Variants in GRIFIN observed in about 807,000 individuals in gnomAD.
The protein encoded by GRIFIN is galectin-related inter-fiber protein, also known as putative grifin.
A neutral mutation model predicts 18.2 loss-of-function variants in GRIFIN; 22 were observed. That is an observed-to-expected ratio of 1.21 (90% CI 0.86 to 1.73). GRIFIN has a LOEUF of 1.73. Among genes scored for constraint, GRIFIN ranks in the 40% most tolerant of loss-of-function variants. The pLI, the probability that GRIFIN is intolerant of heterozygous loss-of-function variation, is 0.00. For synonymous variants in GRIFIN, 101 were observed against 82.8 expected (o/e 1.22, Z -1.19); for missense variants, 200 against 190.1 (o/e 1.05, Z -0.31).
chr7:2,475,708 C>T lies in GRIFIN; in HGVS notation c.213G>A (p.Val71=), dbSNP rs1778950157. 5 of 1,545,898 alleles carry T rather than the reference C, an allele frequency of 3.2e-6. No individual in the cohort carries two copies. Among genetic ancestry groups the T allele is most frequent in the Non-Finnish European group, 3.5e-6 (4 of 1,150,310 alleles). ...FQYGRWGPEQ[V]SSIFPLAPGE... ...CCGGGGCCAGCGGGAAGATGCTAGACACCTGCTCCGGGCCCCAGCGGCCGT... is the reference window on the plus strand; with the variant it reads ...CCGGGGCCAGCGGGAAGATGCTAGATACCTGCTCCGGGCCCCAGCGGCCGT... The change falls in exon 3 of 5, where the codon GTG becomes GTA. Residue 71 remains valine (V), a synonymous_variant. Coordinates refer to ENST00000614228, the MANE Select transcript of GRIFIN (RefSeq NM_001394787.1).
At chr7:2,476,241 G>T in intron 1 of GRIFIN, 131 bp downstream of exon 1, 1 of 1,169,080 alleles carries the variant, frequency 8.6e-7, no homozygotes, top group Non-Finnish European at 1.2e-6. Context: ...TCACCCTGAC[G>T]CCCTCTCAGC....
Position 2,475,688 on chromosome 7 carries a change from GC to G in GRIFIN, c.232del (p.Ala78ProfsTer8). Reference protein sequence around the residue: ...PEQVSSIFPLAPGEPFEIEVS... With the variant: ...PEQVSSIFPLXPGEPFEIEVS... ...TGTCACCTCAAAGGGCTCCCCCGGG[GC>G]CAGCGGGAAGATGCTAGACACCTGC... On this transcript the variant is annotated frameshift_variant, in exon 3 of 5. Coordinates refer to ENST00000614228, the MANE Select transcript of GRIFIN (RefSeq NM_001394787.1). LOFTEE classifies it high-confidence loss of function. 6.6e-7 allele frequency: 1 copy of G among 1,523,974 alleles called. No individual in the cohort carries two copies. Among genetic ancestry groups the G allele is most frequent in the Non-Finnish European group, 8.8e-7 (1 of 1,136,244 alleles). The allele number at this position is 1,523,974 out of a possible 1,614,324, so 94.4% of individuals were successfully genotyped here.
At position 2,475,611 on chromosome 7, in the gene GRIFIN, C is replaced by T. The variant is rs182206064; in HGVS notation, c.252+58G>A. ...ACCGTGAACCCGCTGCCCACTGGCC[C>T]CCTGTTCCCCCACGGGCCTTCCCTG... On this transcript the variant is annotated intron_variant, in intron 3 of 4. Transcript: ENST00000614228. 8,970 of 1,435,812 alleles carry T rather than the reference C, an allele frequency of 6.2e-3. 36 individuals carry two copies. Among genetic ancestry groups the T allele is most frequent in the Middle Eastern group, 9.1e-3 (43 of 4,730 alleles). The allele number at this position is 1,435,812 out of a possible 1,614,324, so 88.9% of individuals were successfully genotyped here. A position where few individuals can be genotyped will look rare whatever the true frequency, so the allele number is the denominator to read the frequency against.
chr7:2,475,832 G>A lies in GRIFIN; in HGVS notation c.93-4C>T. On this transcript the variant is annotated splice_polypyrimidine_tract_variant and splice_region_variant and intron_variant, in intron 2 of 4. Transcript: ENST00000614228. ...CAACAAGAAGTTAGTCTCGAACCTG[G>A]GGCGGACATGGTGCGGGTCAAGAGC... The A allele has an allele frequency of 6.3e-7, 1 of 1,575,134 alleles. No homozygotes were observed.
Position 2,475,701 on chromosome 7 carries a change from T to C in GRIFIN, c.220A>G (p.Ile74Val), listed in dbSNP as rs1778949966. 2 of 1,540,500 alleles carry C rather than the reference T, an allele frequency of 1.3e-6. No individual in the cohort carries two copies. The highest frequency in any genetic ancestry group is 2.7e-5 in the African/African-American group (2 of 73,388). ...GGCTCCCCCGGGGCCAGCGGGAAGA[T>C]GCTAGACACCTGCTCCGGGCCCCAG... ...GRWGPEQVSS[I>V]FPLAPGEPFE... The change falls in exon 3 of 5, where the codon ATC becomes GTC. Residue 74 changes from isoleucine (I) to valine (V), a missense_variant. Physicochemically the swap from Ile to Val is conservative, Grantham distance 29. Transcript: ENST00000614228.
intron 1 of GRIFIN, 172 bp downstream of exon 1, chr7:2,476,200 C>A (rs924906579): frequency 4.9e-6 from 2 of 404,088 alleles, no homozygotes; most frequent in African/African-American, 2.2e-5. Flanking sequence ...GAGGGACACA[C>A]CTGCCCAGCA....
chr7:2,475,066 G>C (rs536954618), intron 4 of GRIFIN, 75 bp downstream of exon 4: 208 of 1,483,564 alleles, frequency 1.4e-4, no homozygotes, highest in Middle Eastern at 2.4e-4. Flanking sequence ...ATCAGGGTGA[G>C]AAGCAAAATC....
At chr7:2,476,117 A>G (rs947615203) in intron 1 of GRIFIN, 118 bp from the exon 2 acceptor site, 4 of 750,950 alleles carry the variant, frequency 5.3e-6, no homozygotes, top group Non-Finnish European at 6.1e-6. Flanking sequence ...CCTGCCCCCA[A>G]CCCAGTGCCA....
At chr7:2,476,034 G>A (rs1450958283) in intron 1 of GRIFIN, 35 bp from the exon 2 acceptor site, 1 of 1,569,782 alleles carries the variant, frequency 6.4e-7, no homozygotes, top group South Asian at 1.1e-5. Context: ...AGCCTCATGG[G>A]GCTGCAGCCT....
intron 3 of GRIFIN, 101 bp from the exon 4 acceptor site, chr7:2,475,408 A>G: frequency 7.0e-7 from 1 of 1,424,924 alleles, no homozygotes; most frequent in Non-Finnish European, 9.3e-7. Flanking sequence ...TCCAGGAAGG[A>G]CAGCCTGGCA....
Position 2,475,996 on chromosome 7 carries a change from T to A in GRIFIN, c.16A>T (p.Lys6Ter), listed in dbSNP as rs1427434761. Residue 6 changes from lysine to a stop codon, truncating the protein, a stop_gained, in exon 2 of 5, where the codon AAA becomes TAA. Coordinates refer to ENST00000614228, the MANE Select transcript of GRIFIN (RefSeq NM_001394787.1). LOFTEE classifies it high-confidence loss of function. The stretch of plus-strand genomic sequence containing the variant: ...GCCAGGCCGCCCGCACAGAAGGCTT[T>A]AGACTGAGTGGAAGAGACAGGGGGA... MAVQS[K>*]AFCAGGLAPG... 6.3e-7 allele frequency: 1 copy of A among 1,597,476 alleles called. No homozygotes were observed. The highest frequency in any genetic ancestry group is 2.2e-5 in the East Asian group (1 of 44,836).
intron 1 of GRIFIN, 72 bp from the exon 2 acceptor site, chr7:2,476,071 T>A: frequency 1.4e-6 from 1 of 722,348 alleles, no homozygotes; most frequent in Non-Finnish European, 1.9e-6. Context: ...ACCCCCACCC[T>A]ATCCCATCTG....
intron 3 of GRIFIN, 153 bp from the exon 4 acceptor site, chr7:2,475,460 C>A: frequency 8.2e-7 from 1 of 1,217,938 alleles, no homozygotes; most frequent in Non-Finnish European, 1.1e-6. Context: ...AGCCCAAAGT[C>A]CCCTCCTTTC....
intron 4 of GRIFIN, 115 bp from the exon 5 acceptor site, chr7:2,475,000 G>A (rs1411830837): frequency 3.1e-6 from 3 of 956,184 alleles, no homozygotes; most frequent in South Asian, 1.6e-5. Context: ...GCAGGGAGAG[G>A]AGCAGGGTGG....
chr7:2,476,272 C>T, intron 1 of GRIFIN, 100 bp downstream of exon 1: 1 of 1,394,542 alleles, frequency 7.2e-7, no homozygotes, highest in Non-Finnish European at 9.8e-7. Context: ...GATGAGAGGC[C>T]AGAGCCCATA....
At position 2,475,123 on chromosome 7, in the gene GRIFIN, T is replaced by C; in HGVS notation, c.419+18A>G. On this transcript the variant is annotated intron_variant, in intron 4 of 4. Coordinates refer to ENST00000614228, the MANE Select transcript of GRIFIN (RefSeq NM_001394787.1). ...GGGCAGGAATGGGCAGGGACCTGGGTAGAGGCAGGGACTTTACCCCCAGCT... is the reference window on the plus strand; with the variant it reads ...GGGCAGGAATGGGCAGGGACCTGGGCAGAGGCAGGGACTTTACCCCCAGCT... 1.3e-6 allele frequency: 2 copies of C among 1,565,398 alleles called. No individual in the cohort carries two copies. The highest frequency in any genetic ancestry group is 2.3e-5 in the South Asian group (2 of 86,930).
chr7:2,475,610 C>T (rs1049160060), intron 3 of GRIFIN, 59 bp downstream of exon 3: 2 of 1,435,290 alleles, frequency 1.4e-6, no homozygotes, highest in Non-Finnish European at 1.8e-6. Flanking sequence ...GCCCACTGGC[C>T]CCCTGTTCCC....
Position 2,475,925 on chromosome 7 carries a change from C to T in GRIFIN, c.87G>A (p.Glu29=), listed in dbSNP as rs777985920. 20 of 1,598,168 alleles carry T rather than the reference C, an allele frequency of 1.3e-5. No homozygotes were observed. The highest frequency in any genetic ancestry group is 2.7e-5 in the African/African-American group (2 of 74,886). Residue 29 remains glutamate, a synonymous_variant, in exon 2 of 5, where the codon GAG becomes GAA. Coordinates refer to ENST00000614228, the MANE Select transcript of GRIFIN (RefSeq NM_001394787.1). ...GGGAGGGCGGTGCCGCTGACCTGTCCTCTCCAGAGTCAGCATGTCCCTGGA... is the reference window on the plus strand; with the variant it reads ...GGGAGGGCGGTGCCGCTGACCTGTCTTCTCCAGAGTCAGCATGTCCCTGGA... ...LLVQGHADSG[E]DRFETNFLLE...
chr7:2,474,975 G>T, intron 4 of GRIFIN, 90 bp from the exon 5 acceptor site: 1 of 765,920 alleles, frequency 1.3e-6, no homozygotes, highest in Non-Finnish European at 2.1e-6. Flanking sequence ...TCCCGTGGCC[G>T]GATATGCAGG....
Sources: gnomAD v4.1 joint callset for allele counts on GRCh38, gnomAD v4.1.1 for gene constraint, MANE v1.5 for transcripts, NCBI Gene and HGNC (gene_info 2026-07-23, HGNC 2026-07-21) for gene names.